The following KCNMB2 variants were observed in gnomAD, a reference collection of about 807,000 sequenced individuals.
The protein encoded by KCNMB2 is potassium calcium-activated channel subfamily M regulatory beta subunit 2.
A neutral mutation model predicts 24.5 loss-of-function variants in KCNMB2; 9 were observed. The ratio of observed to expected loss-of-function variants is 0.37; its 90% CI spans 0.22 to 0.64. The LOEUF is 0.64. Among genes scored for constraint, KCNMB2 ranks in the 30% least tolerant of loss-of-function variants. The probability of loss-of-function intolerance (pLI) is 0.63; values close to 1 mark genes in which losing one functional copy is unlikely to be tolerated. For missense variants in KCNMB2, 226 were observed against 284.3 expected (o/e 0.79, Z 1.47); for synonymous variants, 109 against 104.4 (o/e 1.04, Z -0.27).
chr3:178,545,256 AT>A (rs932941387), intron 1 of KCNMB2, among the ~76,000 whole-genome samples: 44 of 152,192 alleles, frequency 2.9e-4, no homozygotes, highest in Admixed American at 2.9e-3. Flanking sequence ...AGAGGATTCA[AT>A]TTGGGAATTT....
At chr3:178,618,502 G>A (rs917082614) in intron 1 of KCNMB2, among the ~76,000 whole-genome samples, 1 of 152,178 alleles carries the variant, frequency 6.6e-6, no homozygotes, top group African/African-American at 2.4e-5. Context: ...GCATTCAGGG[G>A]TCAAGCATAG....
chr3:178,594,924 T>C (rs1017638144), intron 1 of KCNMB2, among the ~76,000 whole-genome samples: 1 of 152,060 alleles, frequency 6.6e-6, no homozygotes. Context: ...CTGTTTGCAA[T>C]TCTTCTTTCC....
At chr3:178,659,663 C>G (rs1223750929) in intron 1 of KCNMB2, among the ~76,000 whole-genome samples, 2 of 152,164 alleles carry the variant, frequency 1.3e-5, no homozygotes, top group Non-Finnish European at 2.9e-5. Flanking sequence ...TGTGCAGCCT[C>G]TGATATATAA....
chr3:178,716,840 C>G (rs1380324559), intron 1 of KCNMB2, among the ~76,000 whole-genome samples: 1 of 152,080 alleles, frequency 6.6e-6, no homozygotes. Flanking sequence ...GGTCCCTGGA[C>G]CAAATTATAT....
intron 1 of KCNMB2, among the ~76,000 whole-genome samples, chr3:178,656,948 A>T (rs35742083): frequency 0.16 from 23,853 of 151,970 alleles, 2,143 homozygotes; most frequent in Middle Eastern, 0.26. Context: ...GAAAAAATTC[A>T]CTCAGTCAAA....
At chr3:178,615,824 A>T (rs1718685055) in intron 1 of KCNMB2, among the ~76,000 whole-genome samples, 1 of 152,184 alleles carries the variant, frequency 6.6e-6, no homozygotes, top group Non-Finnish European at 1.5e-5. Context: ...AAGGGCCTTG[A>T]TACAGTACCT....
chr3:178,710,451 T>C (rs1156892552), intron 1 of KCNMB2, among the ~76,000 whole-genome samples: 1 of 152,186 alleles, frequency 6.6e-6, no homozygotes, highest in African/African-American at 2.4e-5. Context: ...CTCAGGTGCC[T>C]TATTCCAAGC....
At chr3:178,624,401 TA>T (rs2108530195) in intron 1 of KCNMB2, among the ~76,000 whole-genome samples, 1 of 152,222 alleles carries the variant, frequency 6.6e-6, no homozygotes, top group African/African-American at 2.4e-5. Flanking sequence ...ATGTCTATAC[TA>T]AATGGTTGAA....
chr3:178,674,679 C>T (rs1721014611), intron 1 of KCNMB2, among the ~76,000 whole-genome samples: 1 of 152,124 alleles, frequency 6.6e-6, no homozygotes, highest in African/African-American at 2.4e-5. Context: ...GTGAGCCTAA[C>T]AGGCAAGCCA....
At chr3:178,664,727 G>T (rs1720656738) in intron 1 of KCNMB2, among the ~76,000 whole-genome samples, 1 of 152,050 alleles carries the variant, frequency 6.6e-6, no homozygotes, top group South Asian at 2.1e-4. Context: ...GAAAGGAAGG[G>T]AGAGAAGGAG....
intron 1 of KCNMB2, among the ~76,000 whole-genome samples, chr3:178,630,448 C>T (rs1386547324): frequency 6.6e-6 from 1 of 152,238 alleles, no homozygotes; most frequent in African/African-American, 2.4e-5. Context: ...CATGGACTGT[C>T]AAGTTCTGTT....
At chr3:178,734,630 T>C (rs1723259663) in intron 1 of KCNMB2, among the ~76,000 whole-genome samples, 1 of 152,208 alleles carries the variant, frequency 6.6e-6, no homozygotes, top group Admixed American at 6.5e-5. Flanking sequence ...TGAAACCACT[T>C]GCCTGTGTTC....
At chr3:178,718,379 CTGT>C (rs1362366031) in intron 1 of KCNMB2, among the ~76,000 whole-genome samples, 1 of 152,188 alleles carries the variant, frequency 6.6e-6, no homozygotes, top group East Asian at 1.9e-4. Context: ...CTGTCTATCT[CTGT>C]ATGTATGCAT....
intron 1 of KCNMB2, among the ~76,000 whole-genome samples, chr3:178,764,472 C>G (rs1328208136): frequency 6.6e-6 from 1 of 152,144 alleles, no homozygotes; most frequent in Non-Finnish European, 1.5e-5. Context: ...AAGTAACAAA[C>G]TTCAGATTTG....
intron 1 of KCNMB2, among the ~76,000 whole-genome samples, chr3:178,576,029 C>T (rs1716975574): frequency 6.6e-6 from 1 of 151,992 alleles, no homozygotes; most frequent in African/African-American, 2.4e-5. Flanking sequence ...TAAGCTTATA[C>T]AAAATCAGAT....
chr3:178,656,076 T>A (rs1204291364), intron 1 of KCNMB2, among the ~76,000 whole-genome samples: 2 of 152,182 alleles, frequency 1.3e-5, no homozygotes, highest in South Asian at 4.1e-4. Flanking sequence ...TAACCAGACA[T>A]GTAATTAAGA....
At chr3:178,818,028 G>C (rs1024240164) in intron 2 of KCNMB2, among the ~76,000 whole-genome samples, 3 of 152,126 alleles carry the variant, frequency 2.0e-5, no homozygotes, top group African/African-American at 7.2e-5. Context: ...AGTAATTTCA[G>C]ATACATTTAA....
intron 1 of KCNMB2, among the ~76,000 whole-genome samples, chr3:178,630,878 G>A (rs1719296017): frequency 6.6e-6 from 1 of 152,134 alleles, no homozygotes; most frequent in South Asian, 2.1e-4. Flanking sequence ...TGCTGGAATT[G>A]TTTTTAAGAA....
chr3:178,580,341 C>A (rs1410990379), intron 1 of KCNMB2, among the ~76,000 whole-genome samples: 1 of 152,124 alleles, frequency 6.6e-6, no homozygotes, highest in Non-Finnish European at 1.5e-5. Context: ...GCTAAAAACT[C>A]AATAAACTAG....
Sources: allele counts gnomAD v4.1 joint callset (sites outside exome capture counted in the v4.1 genomes callset), GRCh38; gene constraint gnomAD v4.1.1; transcripts MANE v1.5; gene names NCBI Gene and HGNC (gene_info 2026-07-23, HGNC 2026-07-21).